The following C14orf39 variants were observed in gnomAD, a reference collection of about 807,000 sequenced individuals.
C14orf39 encodes chromosome 14 open reading frame 39, also known as protein SIX6OS1.
Under a neutral mutation model 85.6 loss-of-function variants are expected in C14orf39, and 66 were observed. The observed-to-expected ratio is 0.77, with a 90% CI of 0.63 to 0.95. The LOEUF (loss-of-function observed/expected upper bound fraction) is 0.95. Ranked by LOEUF, C14orf39 falls within the 40% of genes least tolerant of loss-of-function variation. The probability of loss-of-function intolerance (pLI) is 0.00; values close to 1 mark genes in which losing one functional copy is unlikely to be tolerated. For synonymous variants in C14orf39, 242 were observed against 214.0 expected, an observed-to-expected ratio of 1.13 and a Z score of -1.14; for missense variants, 735 against 663.9, an observed-to-expected ratio of 1.11 and a Z score of -1.18.
At chr14:60,446,271 C>T (rs1890761505) in intron 16 of C14orf39, among the ~76,000 whole-genome samples, 1 of 146,982 alleles carries the variant, frequency 6.8e-6, no homozygotes, top group East Asian at 2.0e-4. Flanking sequence ...ATGAATCCAG[C>T]ATTGGATTCA....
intron 14 of C14orf39, among the ~76,000 whole-genome samples, chr14:60,457,995 T>C (rs748310411): frequency 5.3e-5 from 8 of 151,996 alleles, no homozygotes; most frequent in Non-Finnish European, 7.4e-5. Context: ...TAAAAAAATT[T>C]ATTGATGCAT....
intron 1 of C14orf39, chr14:60,512,961 T>C (rs1194876991): frequency 1.3e-5 from 2 of 152,226 alleles, no homozygotes; most frequent in Non-Finnish European, 2.9e-5. Flanking sequence ...TGCTAACTTC[T>C]TTAGGCAGAA....
intron 13 of C14orf39, among the ~76,000 whole-genome samples, chr14:60,460,062 G>C (rs1222089083): frequency 6.6e-6 from 1 of 151,492 alleles, no homozygotes; most frequent in Non-Finnish European, 1.5e-5. Flanking sequence ...TCTTCTGAGA[G>C]CTTTATAGTT....
intron 9 of C14orf39, among the ~76,000 whole-genome samples, chr14:60,467,705 T>C (rs1185317222): frequency 6.6e-6 from 1 of 151,768 alleles, no homozygotes; most frequent in Non-Finnish European, 1.5e-5. Flanking sequence ...CTGAATGTGG[T>C]ACATGGGAGT....
intron 16 of C14orf39, among the ~76,000 whole-genome samples, chr14:60,447,177 A>G (rs1255793013): frequency 3.3e-5 from 5 of 152,300 alleles, no homozygotes; most frequent in Non-Finnish European, 7.3e-5. Context: ...CCTGTTCAAT[A>G]TAGTGTTGGA....
intron 9 of C14orf39, 120 bp downstream of exon 9, chr14:60,468,325 T>C (rs899878933): frequency 4.9e-5 from 24 of 491,882 alleles, no homozygotes; most frequent in African/African-American, 4.0e-4. Flanking sequence ...GAAAATAGCC[T>C]GCACAACAAA....
intron 5 of C14orf39, among the ~76,000 whole-genome samples, chr14:60,474,768 A>G (rs1484309269): frequency 6.6e-6 from 1 of 151,960 alleles, no homozygotes; most frequent in African/African-American, 2.4e-5. Flanking sequence ...ATCATGGTGG[A>G]TAAGCTTTTT....
chr14:60,462,978 C>T (rs1236272024), intron 11 of C14orf39, among the ~76,000 whole-genome samples: 2 of 152,048 alleles, frequency 1.3e-5, no homozygotes, highest in East Asian at 3.9e-4. Context: ...ATATTTCTTT[C>T]GAGTAGATGT....
At chr14:60,507,170 G>C (rs1344614988) in intron 1 of C14orf39, among the ~76,000 whole-genome samples, 1 of 152,084 alleles carries the variant, frequency 6.6e-6, no homozygotes, top group African/African-American at 2.4e-5. Context: ...AGCAATAGCC[G>C]GCAAAGTAAC....
At chr14:60,468,596 T>A in intron 8 of C14orf39, 60 bp from the exon 9 acceptor site, 1 of 957,588 alleles carries the variant, frequency 1.0e-6, no homozygotes, top group Non-Finnish European at 1.6e-6. Context: ...TAAAAAAAGA[T>A]ATGCTTTATC....
intron 7 of C14orf39, among the ~76,000 whole-genome samples, chr14:60,470,494 T>G (rs550443685): frequency 6.6e-6 from 1 of 152,012 alleles, no homozygotes; most frequent in Non-Finnish European, 1.5e-5. Context: ...AATTAAATCC[T>G]AATCTTCAAA....
chr14:60,452,890 A>G (rs369539479), intron 16 of C14orf39, among the ~76,000 whole-genome samples: 14 of 152,200 alleles, frequency 9.2e-5, no homozygotes, highest in Admixed American at 5.2e-4. Flanking sequence ...TATCACATTG[A>G]GTTCTAATTT....
chr14:60,501,593 A>T (rs1210152107), intron 1 of C14orf39, among the ~76,000 whole-genome samples: 1 of 152,172 alleles, frequency 6.6e-6, no homozygotes, highest in Non-Finnish European at 1.5e-5. Context: ...GTTTTAAGCC[A>T]CTCAGTTTGT....
At chr14:60,472,260 G>C (rs959789646) in intron 5 of C14orf39, among the ~76,000 whole-genome samples, 2 of 151,924 alleles carry the variant, frequency 1.3e-5, no homozygotes, top group African/African-American at 4.8e-5. Flanking sequence ...ACCATCAAAT[G>C]TACCCCGTAA....
intron 2 of C14orf39, among the ~76,000 whole-genome samples, chr14:60,498,714 T>A (rs1893101102): frequency 6.6e-6 from 1 of 152,208 alleles, no homozygotes; most frequent in African/African-American, 2.4e-5. Flanking sequence ...TTTTCCTACA[T>A]GAGGAAACGA....
chr14:60,468,413 A>T, intron 9 of C14orf39, 32 bp downstream of exon 9: 2 of 1,332,950 alleles, frequency 1.5e-6, no homozygotes, highest in Non-Finnish European at 2.1e-6. Flanking sequence ...ATATCTGTTC[A>T]CATAAAATTT....
At chr14:60,482,879 G>GGTGTGTGTGT (rs60206941) in intron 4 of C14orf39, among the ~76,000 whole-genome samples, 41,767 of 146,464 alleles carry the variant, frequency 0.29, 7,276 homozygotes, top group Admixed American at 0.42. Flanking sequence ...TATATAGACA[G>GGTGTGTGTGT]GTGTGTGTGT....
intron 4 of C14orf39, among the ~76,000 whole-genome samples, chr14:60,481,756 C>T (rs1281290383): frequency 6.6e-6 from 1 of 151,946 alleles, no homozygotes; most frequent in East Asian, 1.9e-4. Flanking sequence ...GTATTTTTTT[C>T]ATTTTGGTAT....
chr14:60,468,167 G>A lies in C14orf39; in HGVS notation c.767+278C>T, dbSNP rs539711557. On this transcript the variant is annotated intron_variant, in intron 9 of 17. Transcript: ENST00000321731. ...TGGCCCATCATGGAAAACACTGGAT[G>A]AATTATACAACTGACAGGTTCTAGA... 9.9e-5 allele frequency among the ~76,000 whole-genome samples: 15 copies of A among 151,804 alleles called. No homozygotes were observed. The South Asian group carries it at 2.7e-3, about 27-fold the overall frequency.
Sources: gnomAD v4.1 joint callset for allele counts (sites outside exome capture counted in the v4.1 genomes callset) on GRCh38, gnomAD v4.1.1 for gene constraint, MANE v1.5 for transcripts, NCBI Gene and HGNC (gene_info 2026-07-23, HGNC 2026-07-21) for gene names.